Variants in NETO1 observed in about 807,000 individuals in gnomAD.
NETO1 encodes the protein neuropilin and tolloid-like protein 1.
Under a neutral mutation model 61.3 loss-of-function variants are expected in NETO1, and 26 were observed. The ratio of observed to expected loss-of-function variants is 0.42; its 90% CI spans 0.31 to 0.59. The LOEUF (loss-of-function observed/expected upper bound fraction) is 0.59, where lower values mean the gene tolerates loss of function less well. Ranked by LOEUF, NETO1 falls within the 20% of genes least tolerant of loss-of-function variation. NETO1 has a pLI of 0.12. For missense variants in NETO1, 531 were observed against 662.8 expected, an observed-to-expected ratio of 0.80 and a Z score of 2.18; for synonymous variants, 225 against 225.8, an observed-to-expected ratio of 1.00 and a Z score of 0.03.
intron 3 of NETO1, among the ~76,000 whole-genome samples, chr18:72,861,605 A>G (rs1238853104): frequency 6.6e-6 from 1 of 152,208 alleles, no homozygotes; most frequent in South Asian, 2.1e-4. Flanking sequence ...GCACATATAT[A>G]CAGAATATTT....
intron 7 of NETO1, among the ~76,000 whole-genome samples, chr18:72,777,189 A>G (rs560902173): frequency 3.3e-5 from 5 of 149,902 alleles, no homozygotes; most frequent in Non-Finnish European, 7.4e-5. Flanking sequence ...AGGCCGAGGC[A>G]TGTGGATCAC....
At chr18:72,859,368 T>A (rs2074500795) in intron 3 of NETO1, among the ~76,000 whole-genome samples, 2 of 152,314 alleles carry the variant, frequency 1.3e-5, no homozygotes, top group Non-Finnish European at 1.5e-5. Flanking sequence ...TGAAAGGCTG[T>A]TAACTTGGAG....
chr18:72,751,304 T>C (rs904454463), intron 8 of NETO1, among the ~76,000 whole-genome samples: 2 of 152,170 alleles, frequency 1.3e-5, no homozygotes, highest in African/African-American at 4.8e-5. Flanking sequence ...TAAACCAATC[T>C]ACTAAATGTC....
intron 7 of NETO1, among the ~76,000 whole-genome samples, chr18:72,761,103 G>A (rs773604132): frequency 2.9e-4 from 44 of 152,168 alleles, no homozygotes; most frequent in Non-Finnish European, 4.3e-4. Flanking sequence ...GATATAAAAT[G>A]TTAAGATGTA....
chr18:72,828,160 A>C (rs866748146), intron 4 of NETO1, among the ~76,000 whole-genome samples: 30 of 152,198 alleles, frequency 2.0e-4, no homozygotes, highest in Middle Eastern at 3.2e-3. Flanking sequence ...TAAATACAAA[A>C]ATTAGCCAGG....
chr18:72,798,269 A>G (rs1184467119), intron 4 of NETO1, among the ~76,000 whole-genome samples: 2 of 152,142 alleles, frequency 1.3e-5, no homozygotes, highest in Non-Finnish European at 2.9e-5. Flanking sequence ...CTTCAACCCT[A>G]TTGCGAACTG....
chr18:72,822,117 G>C (rs572142795), intron 4 of NETO1, among the ~76,000 whole-genome samples: 3 of 152,190 alleles, frequency 2.0e-5, no homozygotes, highest in Non-Finnish European at 4.4e-5. Flanking sequence ...GAAGAGTGAG[G>C]AACGAAGGTC....
rs770261788 is a variant in NETO1 at position 72,756,086 on chromosome 18, G to C, written c.930C>G (p.Val310=). The change falls in exon 8 of 11, where the codon GTC becomes GTG. Residue 310 remains valine, a synonymous_variant. Transcript: ENST00000327305. ...ACACACAGTTCTGGAGTCCATTGCA[G>C]ACCAAAGTATTATTAATACACATGT... The part of the protein sequence containing the change: ...HSNMCINNTL[V]CNGLQNCVYP... 1.2e-5 allele frequency: 19 copies of C among 1,610,890 alleles called. No individual in the cohort carries two copies. The Admixed American group carries it at 1.5e-4, about 13-fold the overall frequency.
At chr18:72,844,419 A>G (rs1476138116) in intron 4 of NETO1, among the ~76,000 whole-genome samples, 2 of 152,180 alleles carry the variant, frequency 1.3e-5, no homozygotes, top group Admixed American at 6.5e-5. Context: ...AAACATCACT[A>G]TTCAATTTAA....
At chr18:72,831,446 C>T (rs1487267029) in intron 4 of NETO1, among the ~76,000 whole-genome samples, 2 of 152,174 alleles carry the variant, frequency 1.3e-5, no homozygotes, top group African/African-American at 4.8e-5. Flanking sequence ...TTCCTTCAGA[C>T]AATCAGACAG....
At chr18:72,840,297 G>GA (rs1252328982) in intron 4 of NETO1, among the ~76,000 whole-genome samples, 2 of 152,192 alleles carry the variant, frequency 1.3e-5, no homozygotes, top group Non-Finnish European at 2.9e-5. Flanking sequence ...GACAAGTGAG[G>GA]AAGTGCAGAA....
At chr18:72,865,771 T>C in intron 1 of NETO1, 1 of 1,327,146 alleles carries the variant, frequency 7.5e-7, no homozygotes, top group Non-Finnish European at 1.0e-6. Context: ...AACAGATTAA[T>C]GTGGATTGTG....
chr18:72,846,504 CAAAAAAAAAAAAAAAAAAA>C (rs35252443), intron 4 of NETO1, among the ~76,000 whole-genome samples: 8 of 13,002 alleles, frequency 6.2e-4, no homozygotes, highest in African/African-American at 2.1e-3. Flanking sequence ...GACTTCATCT[CAAAAAAAAAAAAAAAAAAA>C]AAAAAAAAAA....
intron 8 of NETO1, among the ~76,000 whole-genome samples, chr18:72,755,600 A>G (rs1249808874): frequency 6.6e-6 from 1 of 152,058 alleles, no homozygotes; most frequent in African/African-American, 2.4e-5. Context: ...GGAGTGAAGT[A>G]GCTGGAAGTA....
intron 4 of NETO1, among the ~76,000 whole-genome samples, chr18:72,811,790 G>A (rs1841356760): frequency 1.3e-5 from 2 of 152,164 alleles, no homozygotes; most frequent in African/African-American, 4.8e-5. Flanking sequence ...GGGTGACAGA[G>A]TGAGACCCTG....
chr18:72,754,464 T>C (rs1169345031), intron 8 of NETO1, among the ~76,000 whole-genome samples: 3 of 151,968 alleles, frequency 2.0e-5, no homozygotes, highest in Non-Finnish European at 4.4e-5. Flanking sequence ...AACATGCAGA[T>C]AGACTGAAAG....
At chr18:72,819,800 A>G (rs2073137099) in intron 4 of NETO1, among the ~76,000 whole-genome samples, 1 of 152,110 alleles carries the variant, frequency 6.6e-6, no homozygotes, top group South Asian at 2.1e-4. Context: ...ACTTACCAAA[A>G]GTGAAAAAAT....
rs146774783 is a variant in NETO1 at position 72,843,192 on chromosome 18, G to A, written c.469+15634C>T. 9.0e-3 allele frequency among the ~76,000 whole-genome samples: 1,371 copies of A among 152,210 alleles called. 19 individuals carry two copies. The highest frequency in any genetic ancestry group is 0.031 in the African/African-American group (1,280 of 41,518). ...AAAATATTTTACCCGTTCTTATGCC[G>A]ATCACTTAAATTGTAGTCAACGGTC... On this transcript the variant is annotated intron_variant, in intron 4 of 10. Coordinates refer to ENST00000327305, the MANE Select transcript of NETO1 (RefSeq NM_138966.5).
At position 72,832,060 on chromosome 18, in the gene NETO1, G is replaced by T. The variant is rs562133505; in HGVS notation, c.469+26766C>A. ...TGGTACTCCCTGTTTCCCTAAGTAGGATATAAATAGTGTCTGATTTTCAAT... is the reference window on the plus strand; with the variant it reads ...TGGTACTCCCTGTTTCCCTAAGTAGTATATAAATAGTGTCTGATTTTCAAT... On this transcript the variant is annotated intron_variant, in intron 4 of 10. Coordinates refer to ENST00000327305, the MANE Select transcript of NETO1 (RefSeq NM_138966.5). Among the ~76,000 whole-genome samples, 4 of 152,250 alleles carry T rather than the reference G, an allele frequency of 2.6e-5. No homozygotes were observed. The South Asian group carries it at 8.3e-4, about 32-fold the overall frequency.
Sources: allele counts gnomAD v4.1 joint callset (sites outside exome capture counted in the v4.1 genomes callset), GRCh38; gene constraint gnomAD v4.1.1; transcripts MANE v1.5; gene names NCBI Gene and HGNC (gene_info 2026-07-23, HGNC 2026-07-21).